ARHGAP24: variants seen among roughly 807,000 people sequenced by gnomAD.
The protein encoded by ARHGAP24 is rho GTPase-activating protein 24.
Under a neutral mutation model 76.4 loss-of-function variants are expected in ARHGAP24, and 50 were observed. That is an observed-to-expected ratio of 0.65 (90% CI 0.52 to 0.83). The LOEUF is 0.83. ARHGAP24 is among the 40% of genes least tolerant of loss of function. The pLI is 0.00. For missense variants in ARHGAP24, 930 were observed against 914.2 expected, an observed-to-expected ratio of 1.02 and a Z score of -0.22; for synonymous variants, 345 against 323.3, an observed-to-expected ratio of 1.07 and a Z score of -0.72.
intron 2 of ARHGAP24, among the ~76,000 whole-genome samples, chr4:85,653,533 T>C (rs1362040973): frequency 6.6e-6 from 1 of 152,100 alleles, no homozygotes. Context: ...GAGTGCAGTG[T>C]AGCGATCTCA....
At chr4:85,800,489 TAAG>T (rs530342954) in intron 3 of ARHGAP24, among the ~76,000 whole-genome samples, 90 of 149,498 alleles carry the variant, frequency 6.0e-4, no homozygotes, top group African/African-American at 1.7e-3. Flanking sequence ...AGGTAGGAAT[TAAG>T]AAGAAGAACA....
intron 2 of ARHGAP24, among the ~76,000 whole-genome samples, chr4:85,693,098 G>A (rs1723730505): frequency 1.3e-5 from 2 of 152,298 alleles, no homozygotes; most frequent in East Asian, 3.9e-4. Context: ...CTTGGACTGT[G>A]ATCCAGTAGA....
At position 85,931,037 on chromosome 4, in the gene ARHGAP24, G is replaced by A. The variant is rs140387210; in HGVS notation, c.391+7267G>A. The A allele has an allele frequency of 2.3e-5, 37 of 1,609,656 alleles. No individual in the cohort carries two copies. Among genetic ancestry groups the A allele is most frequent in the South Asian group, 7.7e-5 (7 of 90,446 alleles). On this transcript the variant is annotated intron_variant, in intron 4 of 9. Transcript: ENST00000395184. Reference sequence around the variant, plus strand: ...AGAATCAAACGGTGTTTTAGTTTTCGGAAAGGTAGGTAGATAATATGTTCA... The same window carrying A: ...AGAATCAAACGGTGTTTTAGTTTTCAGAAAGGTAGGTAGATAATATGTTCA...
At chr4:85,671,847 C>T (rs563998084) in intron 2 of ARHGAP24, among the ~76,000 whole-genome samples, 1 of 152,278 alleles carries the variant, frequency 6.6e-6, no homozygotes, top group East Asian at 1.9e-4. Context: ...CTATTGGACA[C>T]ATGCAGAACT....
intron 2 of ARHGAP24, among the ~76,000 whole-genome samples, chr4:85,664,032 A>C (rs1463378585): frequency 6.7e-6 from 1 of 148,516 alleles, no homozygotes. Flanking sequence ...TGCTGGCCTC[A>C]TAAAATGAGT....
intron 2 of ARHGAP24, among the ~76,000 whole-genome samples, chr4:85,584,262 C>CA (rs1156711695): frequency 3.3e-5 from 5 of 151,924 alleles, no homozygotes; most frequent in Admixed American, 1.3e-4. Flanking sequence ...TATGCAGCCA[C>CA]AAAAAATGAT....
intron 1 of ARHGAP24, among the ~76,000 whole-genome samples, chr4:85,476,500 T>A (rs1057168517): frequency 6.6e-6 from 1 of 152,214 alleles, no homozygotes; most frequent in Non-Finnish European, 1.5e-5. Context: ...TGCTGAGTAT[T>A]TGGAATATAA....
intron 2 of ARHGAP24, among the ~76,000 whole-genome samples, chr4:85,619,046 A>G (rs1720624000): frequency 6.6e-6 from 1 of 152,018 alleles, no homozygotes; most frequent in African/African-American, 2.4e-5. Flanking sequence ...TGTCAAACCA[A>G]TGTCATGGAG....
Position 85,894,984 on chromosome 4 carries a change from A to C in ARHGAP24, c.269-28664A>C, listed in dbSNP as rs1442595492. Among the ~76,000 whole-genome samples, 192 of 20,822 alleles carry C rather than the reference A, an allele frequency of 9.2e-3. 1 individual carries two copies. Among genetic ancestry groups the C allele is most frequent in the Non-Finnish European group, 0.018 (163 of 9,210 alleles). The allele number at this position is 20,822 out of a possible 152,430, so 13.7% of individuals were successfully genotyped here. ...TCAAAAAAAAAAAAAAAAAAAAAAA[A>C]AAAACAAAACAAAAAGCAAAAAAAA... On this transcript the variant is annotated intron_variant, in intron 3 of 9. Transcript: ENST00000395184.
At chr4:85,979,926 A>T (rs1473696486) in intron 8 of ARHGAP24, among the ~76,000 whole-genome samples, 1 of 152,186 alleles carries the variant, frequency 6.6e-6, no homozygotes, top group Non-Finnish European at 1.5e-5. Flanking sequence ...ACTGTCCTTC[A>T]CTGAATCTCA....
At chr4:85,678,107 T>G (rs1488603303) in intron 2 of ARHGAP24, among the ~76,000 whole-genome samples, 1 of 151,914 alleles carries the variant, frequency 6.6e-6, no homozygotes, top group Non-Finnish European at 1.5e-5. Flanking sequence ...TGGTAACTCA[T>G]GCCTGAATTC....
chr4:85,485,811 C>T (rs1457922878), intron 1 of ARHGAP24, among the ~76,000 whole-genome samples: 1 of 151,320 alleles, frequency 6.6e-6, no homozygotes, highest in Non-Finnish European at 1.5e-5. Flanking sequence ...TGGCTCACTG[C>T]AACCTCTGCC....
intron 3 of ARHGAP24, among the ~76,000 whole-genome samples, chr4:85,763,308 A>G (rs1053582252): frequency 1.3e-5 from 2 of 152,220 alleles, no homozygotes; most frequent in African/African-American, 2.4e-5. Flanking sequence ...TGTTATTTGC[A>G]AGAATGATTA....
At chr4:85,692,834 C>T (rs1723716027) in intron 2 of ARHGAP24, among the ~76,000 whole-genome samples, 1 of 152,190 alleles carries the variant, frequency 6.6e-6, no homozygotes, top group African/African-American at 2.4e-5. Flanking sequence ...GAACCATTGT[C>T]AGAGACTAGT....
At chr4:85,868,603 T>C (rs1732342959) in intron 3 of ARHGAP24, among the ~76,000 whole-genome samples, 1 of 152,118 alleles carries the variant, frequency 6.6e-6, no homozygotes, top group African/African-American at 2.4e-5. Flanking sequence ...GTATCTCAGA[T>C]GGGATCCTGG....
rs1740965992 is a variant in ARHGAP24, at chr4:86,000,647, G to T, written c.2172G>T (p.Gln724His). Residue 724 changes from glutamine (Q) to histidine (H), a missense_variant, in exon 10 of 10, where the codon CAG becomes CAT. Physicochemically the swap from Gln to His is conservative, Grantham distance 24. Transcript: ENST00000395184. ...RNDMLQKEME[Q>H]FFSTFGELTV... ...ACATGCTACAGAAAGAAATGGAGCAGTTTTTTTCCACGTTTGGAGAACTGA... is the reference window on the plus strand; with the variant it reads ...ACATGCTACAGAAAGAAATGGAGCATTTTTTTTCCACGTTTGGAGAACTGA... 8.1e-6 allele frequency: 13 copies of T among 1,613,972 alleles called. No individual in the cohort carries two copies. The highest frequency in any genetic ancestry group is 1.0e-5 in the Non-Finnish European group (12 of 1,179,950).
chr4:85,604,560 A>G (rs544549187), intron 2 of ARHGAP24, among the ~76,000 whole-genome samples: 2 of 152,192 alleles, frequency 1.3e-5, no homozygotes, highest in Non-Finnish European at 2.9e-5. Flanking sequence ...ATTTGTAGTT[A>G]AAAAGATAGA....
chr4:85,743,613 A>G (rs2110062008), intron 3 of ARHGAP24, among the ~76,000 whole-genome samples: 1 of 152,132 alleles, frequency 6.6e-6, no homozygotes, highest in African/African-American at 2.4e-5. Context: ...CCAATGAAAC[A>G]AAACCCACAG....
intron 3 of ARHGAP24, among the ~76,000 whole-genome samples, chr4:85,722,979 T>A (rs1390938157): frequency 1.3e-5 from 2 of 152,204 alleles, no homozygotes; most frequent in Non-Finnish European, 2.9e-5. Context: ...AATCCATGAC[T>A]AAATGTGAAT....
Sources: allele counts gnomAD v4.1 joint callset (sites outside exome capture counted in the v4.1 genomes callset), GRCh38; gene constraint gnomAD v4.1.1; transcripts MANE v1.5; gene names NCBI Gene and HGNC (gene_info 2026-07-23, HGNC 2026-07-21).